Variants in LHFPL7 observed in about 807,000 individuals in gnomAD.
LHFPL7 encodes LHFPL tetraspan subfamily member 7, also known as LHFPL tetraspan subfamily member 7 protein.
the LHFPL7 span, chr22:24,938,251 A>T: frequency 6.2e-7 from 1 of 1,613,972 alleles, no homozygotes; most frequent in Non-Finnish European, 8.5e-7. Context: ...TTGAAGGCCA[A>T]CAGGAGCCAG....
the LHFPL7 span, chr22:24,938,164 C>G: frequency 6.2e-7 from 1 of 1,614,054 alleles, no homozygotes; most frequent in Non-Finnish European, 8.5e-7. Flanking sequence ...ACTGCCTGCA[C>G]CCCTGGCATT....
chr22:24,937,948 G>C, the LHFPL7 span, among the ~76,000 whole-genome samples: 1 of 152,152 alleles, frequency 6.6e-6, no homozygotes, highest in Non-Finnish European at 1.5e-5. Context: ...AGTAATGGGT[G>C]ACACTAAGGA....
the LHFPL7 span, chr22:24,938,037 G>A: frequency 3.1e-5 from 46 of 1,466,648 alleles, no homozygotes; most frequent in African/African-American, 5.5e-4. Flanking sequence ...TATCTCTGAG[G>A]TCTGACCCGA....
chr22:24,935,173 T>C, the LHFPL7 span: 13 of 933,020 alleles, frequency 1.4e-5, no homozygotes, highest in Non-Finnish European at 2.0e-5. Flanking sequence ...TAGGTATGAT[T>C]TCAACTTTCA....
the LHFPL7 span, among the ~76,000 whole-genome samples, chr22:24,936,530 A>G: frequency 2.0e-5 from 3 of 152,218 alleles, no homozygotes; most frequent in African/African-American, 7.2e-5. Context: ...TGCAGTGGGC[A>G]TTAATGATAC....
chr22:24,944,782 A>G, the LHFPL7 span, among the ~76,000 whole-genome samples: 1 of 150,912 alleles, frequency 6.6e-6, no homozygotes, highest in Admixed American at 6.6e-5. Context: ...AGGTCTCTCT[A>G]TGTTGCCCAG....
the LHFPL7 span, among the ~76,000 whole-genome samples, chr22:24,937,932 A>C: frequency 2.2e-3 from 340 of 152,294 alleles, 2 homozygotes; most frequent in African/African-American, 6.9e-3. Context: ...TGGGTCAGCT[A>C]AGAGCAGTAA....
chr22:24,944,051 A>G, the LHFPL7 span, among the ~76,000 whole-genome samples: 2,729 of 152,260 alleles, frequency 0.018, 67 homozygotes, highest in East Asian at 0.078. Flanking sequence ...CCACCTTCAA[A>G]GAGCTTAGAG....
the LHFPL7 span, among the ~76,000 whole-genome samples, chr22:24,944,039 C>T: frequency 3.9e-5 from 6 of 152,140 alleles, no homozygotes; most frequent in African/African-American, 1.4e-4. Context: ...AGAACGTAGT[C>T]CCCACCTTCA....
the LHFPL7 span, among the ~76,000 whole-genome samples, chr22:24,941,122 T>G: frequency 5.9e-5 from 9 of 151,946 alleles, no homozygotes; most frequent in Non-Finnish European, 1.0e-4. Flanking sequence ...TTTGCAAAAT[T>G]GGTGTGGTGC....
chr22:24,936,144 C>T, the LHFPL7 span, among the ~76,000 whole-genome samples: 1 of 152,072 alleles, frequency 6.6e-6, no homozygotes, highest in Non-Finnish European at 1.5e-5. Context: ...CCCTTCTGTC[C>T]ATCTGCTCAT....
chr22:24,936,914 C>G, the LHFPL7 span, among the ~76,000 whole-genome samples: 1 of 152,150 alleles, frequency 6.6e-6, no homozygotes, highest in South Asian at 2.1e-4. Context: ...CAACCCCCGC[C>G]CCCCCCGCCG....
the LHFPL7 span, among the ~76,000 whole-genome samples, chr22:24,937,468 T>C: frequency 2.8e-4 from 42 of 152,192 alleles, no homozygotes; most frequent in Non-Finnish European, 5.6e-4. Flanking sequence ...GTTCAGATTT[T>C]ACTCTGAGTA....
chr22:24,935,525 G>A, the LHFPL7 span: 3,860 of 1,613,922 alleles, frequency 2.4e-3, 7 homozygotes, highest in Non-Finnish European at 3.0e-3. Context: ...AGGAGGCTTC[G>A]CACACTTCCT....
chr22:24,939,066 C>T, the LHFPL7 span, among the ~76,000 whole-genome samples: 3,424 of 152,270 alleles, frequency 0.022, 117 homozygotes, highest in African/African-American at 0.077. Flanking sequence ...TTATCAGTAG[C>T]CGGACCCCAC....
chr22:24,943,253 C>T, the LHFPL7 span, among the ~76,000 whole-genome samples: 84 of 152,118 alleles, frequency 5.5e-4, no homozygotes, highest in Non-Finnish European at 1.0e-3. Flanking sequence ...GCTGTCCAGG[C>T]GTTTCTCACC....
chr22:24,945,547 T>G, the LHFPL7 span, among the ~76,000 whole-genome samples: 2 of 152,210 alleles, frequency 1.3e-5, no homozygotes, highest in African/African-American at 4.8e-5. Flanking sequence ...GCTTTTGACC[T>G]GGGACGAAGA....
chr22:24,944,314 C>A, the LHFPL7 span, among the ~76,000 whole-genome samples: 2 of 151,856 alleles, frequency 1.3e-5, no homozygotes, highest in African/African-American at 4.8e-5. Context: ...AAAAATGAAG[C>A]GTTGGAGGGA....
the LHFPL7 span, among the ~76,000 whole-genome samples, chr22:24,945,666 C>T: frequency 2.0e-5 from 3 of 152,186 alleles, no homozygotes; most frequent in African/African-American, 7.2e-5. Context: ...TCGATATATA[C>T]AGGCTTGAGT....
Sources: allele counts gnomAD v4.1 joint callset (sites outside exome capture counted in the v4.1 genomes callset), GRCh38; gene constraint gnomAD v4.1.1; transcripts MANE v1.5; gene names NCBI Gene and HGNC (gene_info 2026-07-23, HGNC 2026-07-21).